The following ARHGEF9 variants were observed in gnomAD, a reference collection of about 807,000 sequenced individuals.
ARHGEF9 encodes Cdc42 guanine nucleotide exchange factor 9, also known as rho guanine nucleotide exchange factor 9.
ARHGEF9 carries 2 observed loss-of-function variants against 41.3 expected under a neutral mutation model. That is an observed-to-expected ratio of 0.05 (90% CI 0.02 to 0.15). The LOEUF (loss-of-function observed/expected upper bound fraction) is 0.15. ARHGEF9 is among the 10% of genes least tolerant of loss of function. The probability of loss-of-function intolerance (pLI) is 1.00; values close to 1 mark genes in which losing one functional copy is unlikely to be tolerated. For missense variants in ARHGEF9, 225 were observed against 424.7 expected (o/e 0.53, Z 4.13); for synonymous variants, 160 against 154.4 (o/e 1.04, Z -0.27).
At chrX:63,700,020 A>T (rs1392112244) in intron 3 of ARHGEF9, among the ~76,000 whole-genome samples, 2 of 111,874 alleles carry the variant, frequency 1.8e-5, no homozygotes, top group Non-Finnish European at 3.8e-5. Context: ...TCATGATCAA[A>T]AATGGGATAA....
At chrX:63,678,653 T>C in intron 4 of ARHGEF9, 81 bp from the exon 5 acceptor site, 1 of 636,026 alleles carries the variant, frequency 1.6e-6, no homozygotes, top group East Asian at 3.5e-5. Context: ...AGACAGATCA[T>C]ATTCTTAGGC....
intron 1 of ARHGEF9, among the ~76,000 whole-genome samples, chrX:63,747,777 C>A (rs1169729340): frequency 8.9e-6 from 1 of 112,470 alleles, no homozygotes; most frequent in East Asian, 2.8e-4. Flanking sequence ...CAAAGAATTT[C>A]CGGAACTCTT....
At chrX:63,699,258 A>T (rs1228408487) in intron 3 of ARHGEF9, among the ~76,000 whole-genome samples, 1 of 111,971 alleles carries the variant, frequency 8.9e-6, no homozygotes, top group African/African-American at 3.3e-5. Context: ...GGAAAACAGT[A>T]ACAGTGGCAC....
chrX:63,736,589 AAGTT>A (rs1242698170), intron 1 of ARHGEF9, among the ~76,000 whole-genome samples: 4 of 112,099 alleles, frequency 3.6e-5, no homozygotes, highest in Admixed American at 9.4e-5. Flanking sequence ...CTAAGGCATC[AAGTT>A]AGTTAGCAGC....
chrX:63,661,784 C>CTG (rs1556342005), intron 7 of ARHGEF9, among the ~76,000 whole-genome samples: 1 of 111,079 alleles, frequency 9.0e-6, no homozygotes, highest in Non-Finnish European at 1.9e-5. Context: ...CTCTCTCTCT[C>CTG]TGAAACAAGC....
intron 6 of ARHGEF9, among the ~76,000 whole-genome samples, chrX:63,666,816 G>A (rs782553760): frequency 4.5e-5 from 5 of 111,939 alleles, no homozygotes; most frequent in African/African-American, 1.6e-4. Flanking sequence ...TTGCTACAAA[G>A]AGTCTGACAC....
At chrX:63,670,196 T>C (rs1426592437) in intron 6 of ARHGEF9, 2 of 111,794 alleles carry the variant, frequency 1.8e-5, no homozygotes, top group East Asian at 2.8e-4. Flanking sequence ...GGGAATGCCA[T>C]ACTTTTTAAC....
intron 8 of ARHGEF9, among the ~76,000 whole-genome samples, chrX:63,645,706 T>C (rs1211341305): frequency 6.2e-5 from 7 of 112,042 alleles, no homozygotes; most frequent in African/African-American, 1.6e-4. Context: ...CATGTGTCTT[T>C]ATAGTAGCAT....
In ARHGEF9 at chrX:63,695,592, C is replaced by T. The variant is rs782608009; in HGVS notation, c.582+1533G>A. ...TTTCTAGAATGGTTGAATGAGTTTA[C>T]ATACCATACAGAAAAGAGTTATCGT... On this transcript the variant is annotated intron_variant, in intron 4 of 9. Coordinates refer to ENST00000671741, the MANE Select transcript of ARHGEF9 (RefSeq NM_001353921.2). 3.6e-5 allele frequency among the ~76,000 whole-genome samples: 4 copies of T among 111,863 alleles called. 1 individual carries two copies. The highest frequency in any genetic ancestry group is 6.5e-5 in the African/African-American group (2 of 30,794).
At chrX:63,691,498 A>G (rs2051347101) in intron 4 of ARHGEF9, among the ~76,000 whole-genome samples, 1 of 111,743 alleles carries the variant, frequency 8.9e-6, no homozygotes, top group African/African-American at 3.2e-5. Context: ...ACAAAAAGGG[A>G]AAGATATCCC....
chrX:63,757,486 G>T (rs1390872835), intron 1 of ARHGEF9, among the ~76,000 whole-genome samples: 7 of 111,584 alleles, frequency 6.3e-5, no homozygotes, highest in Non-Finnish European at 1.1e-4. Context: ...TGAGTCCTTT[G>T]TCTCCTGGGA....
chrX:63,779,069 G>C (rs1556460584), intron 1 of ARHGEF9, among the ~76,000 whole-genome samples: 3 of 111,855 alleles, frequency 2.7e-5, no homozygotes, highest in Non-Finnish European at 3.8e-5. Flanking sequence ...GTAAAAGCCA[G>C]GTCCTAAACC....
In ARHGEF9 at chrX:63,697,256, G is replaced by C; in HGVS notation, c.451C>G (p.Gln151Glu). Residue 151 changes from glutamine (Q) to glutamate (E), a missense_variant, in exon 4 of 10, where the codon CAA becomes GAA. This residue lies in a region of ARHGEF9 where 114 missense variants were observed against 197.9 expected (regional missense o/e 0.58). Coordinates refer to ENST00000671741, the MANE Select transcript of ARHGEF9 (RefSeq NM_001353921.2). ...ATGTTCCCAAAGATTACCTTCAGTT[G>C]CTCGTCACTGAACATGTCCCTTCTC... ...RKRRDMFSDE[Q>E]LKVIFGNIED... 1 of 1,210,269 alleles carries C rather than the reference G, an allele frequency of 8.3e-7. No homozygotes were observed. The highest frequency in any genetic ancestry group is 1.1e-6 in the Non-Finnish European group (1 of 894,639).
In ARHGEF9 at chrX:63,666,834, C is replaced by T. The variant is rs150216736; in HGVS notation, c.946-817G>A. On this transcript the variant is annotated intron_variant, in intron 6 of 9. Transcript: ENST00000671741. ...CTACAAAGAGTCTGACACAAATAGG[C>T]ACCAAGACACCTAAGTCCTAGCTAA... 1.1e-4 allele frequency among the ~76,000 whole-genome samples: 12 copies of T among 111,978 alleles called. No individual in the cohort carries two copies. The East Asian group carries it at 3.4e-3, about 31-fold the overall frequency.
chrX:63,747,147 T>C (rs1446941665), intron 1 of ARHGEF9, among the ~76,000 whole-genome samples: 2 of 112,327 alleles, frequency 1.8e-5, no homozygotes, highest in Non-Finnish European at 3.8e-5. Flanking sequence ...GCACATATTG[T>C]TGGAGCTAGA....
At chrX:63,700,102 A>T (rs2052048936) in intron 3 of ARHGEF9, among the ~76,000 whole-genome samples, 1 of 112,156 alleles carries the variant, frequency 8.9e-6, no homozygotes, top group African/African-American at 3.2e-5. Context: ...AAATATTATC[A>T]AGGAAAGAGG....
chrX:63,640,153 G>T (rs782337150), intron 9 of ARHGEF9: 4 of 112,061 alleles, frequency 3.6e-5, no homozygotes, highest in Non-Finnish European at 7.5e-5. Context: ...CACGTTTAAG[G>T]TGATAGATAT....
intron 5 of ARHGEF9, among the ~76,000 whole-genome samples, chrX:63,675,187 C>T (rs1556360591): frequency 1.8e-5 from 2 of 111,631 alleles, no homozygotes; most frequent in Admixed American, 1.9e-4. Context: ...ACTTCTTTTA[C>T]ATGAGAGACA....
chrX:63,737,842 A>AT (rs1556424152), intron 1 of ARHGEF9, among the ~76,000 whole-genome samples: 1 of 112,163 alleles, frequency 8.9e-6, no homozygotes, highest in Admixed American at 9.4e-5. Flanking sequence ...TTACCCAGCT[A>AT]TCCCAGGAGC....
Sources: gnomAD v4.1 joint callset for allele counts (sites outside exome capture counted in the v4.1 genomes callset) on GRCh38, gnomAD v4.1.1 for gene constraint, gnomAD v4.1.1 regional missense constraint, MANE v1.5 for transcripts, NCBI Gene and HGNC (gene_info 2026-07-23, HGNC 2026-07-21) for gene names.